Variants in IQCH observed in about 807,000 individuals in gnomAD.
The protein encoded by IQCH is IQ domain-containing protein H.
A neutral mutation model predicts 117.0 loss-of-function variants in IQCH; 98 were observed. That is an observed-to-expected ratio of 0.84 (90% CI 0.71 to 0.99). IQCH has a LOEUF of 0.99. IQCH is among the 50% of genes least tolerant of loss of function. The pLI, the probability that IQCH is intolerant of heterozygous loss-of-function variation, is 0.00. For missense variants in IQCH, 1,102 were observed against 1,243.8 expected (o/e 0.89, Z 1.72); for synonymous variants, 412 against 448.2 (o/e 0.92, Z 1.02).
intron 6 of IQCH, among the ~76,000 whole-genome samples, chr15:67,349,606 C>CAA (rs35892110): frequency 0.42 from 50,277 of 118,588 alleles, 11,315 homozygotes; most frequent in Non-Finnish European, 0.48. Context: ...GACTCCATCT[C>CAA]AAAAAAAAAA....
intron 4 of IQCH, among the ~76,000 whole-genome samples, chr15:67,336,145 A>G (rs1485005070): frequency 6.6e-6 from 1 of 152,032 alleles, no homozygotes; most frequent in East Asian, 1.9e-4. Flanking sequence ...TGAGTTCTTT[A>G]TTAGTTAAAT....
At position 67,315,272 on chromosome 15, in the gene IQCH, C is replaced by G. The variant is rs960522588; in HGVS notation, c.388-21703C>G. Among the ~76,000 whole-genome samples, 4 of 152,106 alleles carry G rather than the reference C, an allele frequency of 2.6e-5. No homozygotes were observed. The East Asian group carries it at 5.8e-4, about 22-fold the overall frequency. Reference sequence around the variant, plus strand: ...GAAGGCTGCTTAGTGAACAGGGAAACCGACTAAGGTAATTAGTTGGACAGT... The same window carrying G: ...GAAGGCTGCTTAGTGAACAGGGAAAGCGACTAAGGTAATTAGTTGGACAGT... On this transcript the variant is annotated intron_variant, in intron 4 of 20. Coordinates refer to ENST00000335894, the MANE Select transcript of IQCH (RefSeq NM_001031715.3).
chr15:67,464,065 G>T (rs749338682), intron 16 of IQCH, among the ~76,000 whole-genome samples: 1 of 152,028 alleles, frequency 6.6e-6, no homozygotes, highest in African/African-American at 2.4e-5. Flanking sequence ...CTGGTCTCAG[G>T]TGATCCTCCC....
At chr15:67,292,531 G>A (rs1567070693) in intron 4 of IQCH, among the ~76,000 whole-genome samples, 5 of 152,076 alleles carry the variant, frequency 3.3e-5, no homozygotes, top group African/African-American at 1.2e-4. Flanking sequence ...GGGATTACAG[G>A]GGTAAGCCAG....
At chr15:67,485,060 G>A (rs2083438937) in intron 18 of IQCH, among the ~76,000 whole-genome samples, 1 of 152,110 alleles carries the variant, frequency 6.6e-6, no homozygotes, top group Non-Finnish European at 1.5e-5. Context: ...AAAGCTAGAA[G>A]ACAATGGGAA....
At position 67,436,203 on chromosome 15, in the gene IQCH, G is replaced by A. The variant is rs2082132899; in HGVS notation, c.2505+14626G>A. Among the ~76,000 whole-genome samples the A allele has an allele frequency of 6.6e-6, 1 of 152,130 alleles. No homozygotes were observed. The highest frequency in any genetic ancestry group is 6.5e-5 in the Admixed American group (1 of 15,272). On this transcript the variant is annotated intron_variant, in intron 16 of 20. Transcript: ENST00000335894. This position sits in a 1 kb window ranked among gnomAD's most constrained non-coding sequence, Gnocchi z 5.1. ...CGAGACCCACTGAAGGAAGCCGACTGCTCCTGCAGGACCCAGGAGACACCC... is the reference window on the plus strand; with the variant it reads ...CGAGACCCACTGAAGGAAGCCGACTACTCCTGCAGGACCCAGGAGACACCC...
rs540872493 is a variant in IQCH, at chr15:67,413,765, C to T, written c.2098-3166C>T. Among the ~76,000 whole-genome samples, 4 of 152,286 alleles carry T rather than the reference C, an allele frequency of 2.6e-5. No individual in the cohort carries two copies. Among genetic ancestry groups the T allele is most frequent in the Non-Finnish European group, 4.4e-5 (3 of 68,022 alleles). ...GCCCCAGCATCCCTACTGAATGTCA[C>T]CCCGCCAGTGCCTTCAGCTGTGTAC... is the stretch of plus-strand genomic sequence containing the variant. On this transcript the variant is annotated intron_variant, in intron 14 of 20. Transcript: ENST00000335894. The surrounding 1 kb of genome is among the most constrained non-coding windows in gnomAD (Gnocchi z 5.0).
rs528368457 is a variant in IQCH at position 67,408,179 on chromosome 15, G to A, written c.2097+7874G>A. 18 of 152,362 alleles carry A rather than the reference G, an allele frequency of 1.2e-4. No individual in the cohort carries two copies. Among genetic ancestry groups the A allele is most frequent in the African/African-American group, 3.6e-4 (15 of 41,586 alleles). 9.4% of individuals were successfully genotyped at this position (152,362 alleles called of 1,614,324 possible). ...GAATAAAGCAAAAGATGAGAGGAACGAGAATTGGTTAGTGTTCTCACATCC... is the reference window on the plus strand; with the variant it reads ...GAATAAAGCAAAAGATGAGAGGAACAAGAATTGGTTAGTGTTCTCACATCC... On this transcript the variant is annotated intron_variant, in intron 14 of 20. Coordinates refer to ENST00000335894, the MANE Select transcript of IQCH (RefSeq NM_001031715.3). This position sits in a 1 kb window ranked among gnomAD's most constrained non-coding sequence, Gnocchi z 4.2.
chr15:67,485,690 C>T (rs926088467), intron 18 of IQCH, among the ~76,000 whole-genome samples: 6 of 152,080 alleles, frequency 3.9e-5, no homozygotes, highest in Admixed American at 1.3e-4. Context: ...GATGGAGTCT[C>T]ACTCTGTCAC....
chr15:67,377,427 T>C (rs1354474876), intron 10 of IQCH, among the ~76,000 whole-genome samples: 2 of 152,184 alleles, frequency 1.3e-5, no homozygotes, highest in African/African-American at 2.4e-5. Context: ...TATTAGGGTC[T>C]ATTTTAAGCA....
In IQCH at chr15:67,474,453, G is replaced by T. The variant is rs966123902; in HGVS notation, c.2677-1243G>T. On this transcript the variant is annotated intron_variant, in intron 17 of 20. Transcript: ENST00000335894. The surrounding 1 kb of genome is among the most constrained non-coding windows in gnomAD (Gnocchi z 4.1). ...TCCAGCTATCTAGAGAAAAACAGCT[G>T]ATTGACTAAGGCAAATATCACATCT... Among the ~76,000 whole-genome samples the T allele has an allele frequency of 6.6e-6, 1 of 152,136 alleles. No homozygotes were observed. Among genetic ancestry groups the T allele is most frequent in the African/African-American group, 2.4e-5 (1 of 41,426 alleles).
intron 4 of IQCH, among the ~76,000 whole-genome samples, chr15:67,310,724 A>G (rs1341148606): frequency 6.6e-6 from 1 of 152,138 alleles, no homozygotes; most frequent in Admixed American, 6.6e-5. Flanking sequence ...GAGCTATACA[A>G]TCTTTGACAG....
intron 4 of IQCH, among the ~76,000 whole-genome samples, chr15:67,288,993 G>A (rs186764621): frequency 1.3e-5 from 2 of 152,148 alleles, no homozygotes; most frequent in Admixed American, 1.3e-4. Flanking sequence ...TCACAGTGGA[G>A]GAAATATGCA....
At chr15:67,437,612 C>A (rs991461798) in intron 16 of IQCH, among the ~76,000 whole-genome samples, 3 of 151,992 alleles carry the variant, frequency 2.0e-5, no homozygotes, top group Admixed American at 1.3e-4. Context: ...AGGGAGAGAC[C>A]AGAGAAAGGT....
At position 67,465,664 on chromosome 15, in the gene IQCH, A is replaced by G. The variant is rs2082912778; in HGVS notation, c.2676+367A>G. ...ATTCATGGGTCCAAAATTCTATAGA[A>G]CATCTCTGCTTCGAATCCTCAGAGT... On this transcript the variant is annotated intron_variant, in intron 17 of 20. Coordinates refer to ENST00000335894, the MANE Select transcript of IQCH (RefSeq NM_001031715.3). This position sits in a 1 kb window ranked among gnomAD's most constrained non-coding sequence, Gnocchi z 5.9. Among the ~76,000 whole-genome samples the G allele has an allele frequency of 6.6e-6, 1 of 152,108 alleles. No homozygotes were observed. The highest frequency in any genetic ancestry group is 6.5e-5 in the Admixed American group (1 of 15,272).
chr15:67,368,036 C>T (rs1970397071), intron 8 of IQCH, among the ~76,000 whole-genome samples: 1 of 152,152 alleles, frequency 6.6e-6, no homozygotes, highest in South Asian at 2.1e-4. Context: ...AGGTTCTTGA[C>T]ACATACTGTA....
Position 67,421,275 on chromosome 15 carries a change from A to G in IQCH, c.2219-16A>G. 1.2e-6 allele frequency: 2 copies of G among 1,609,090 alleles called. No individual in the cohort carries two copies. On this transcript the variant is annotated splice_polypyrimidine_tract_variant and intron_variant, in intron 15 of 20. Transcript: ENST00000335894. ...ATGCATGTGTCCTTTCACCTACTCC[A>G]TGTTTTTCCCACCAGGGGGTGTGAT...
At chr15:67,435,222 T>C (rs2140951497) in intron 16 of IQCH, among the ~76,000 whole-genome samples, 1 of 152,176 alleles carries the variant, frequency 6.6e-6, no homozygotes, top group South Asian at 2.1e-4. Flanking sequence ...GGGTTTGATT[T>C]GCATTTCCCT....
intron 4 of IQCH, among the ~76,000 whole-genome samples, chr15:67,326,446 T>C (rs967435133): frequency 2.0e-5 from 3 of 152,246 alleles, no homozygotes; most frequent in African/African-American, 7.2e-5. Context: ...TGTGTCTTTA[T>C]AGCAGCATGA....
Sources: allele counts gnomAD v4.1 joint callset (sites outside exome capture counted in the v4.1 genomes callset), GRCh38; gene constraint gnomAD v4.1.1; non-coding constraint Gnocchi (gnomAD v3.1); transcripts MANE v1.5; gene names NCBI Gene and HGNC (gene_info 2026-07-23, HGNC 2026-07-21).